The following MGAT4C variants were observed in gnomAD, a reference collection of about 807,000 sequenced individuals.
The protein encoded by MGAT4C is alpha-1,3-mannosyl-glycoprotein 4-beta-N-acetylglucosaminyltransferase C.
MGAT4C carries 19 observed loss-of-function variants against 40.1 expected under a neutral mutation model. The observed-to-expected ratio is 0.47, with a 90% CI of 0.33 to 0.70. The LOEUF (loss-of-function observed/expected upper bound fraction) is 0.70. Among genes scored for constraint, MGAT4C ranks in the 30% least tolerant of loss-of-function variants. The pLI is 0.02. For missense variants in MGAT4C, 491 were observed against 563.2 expected (o/e 0.87, Z 1.30); for synonymous variants, 181 against 187.1 (o/e 0.97, Z 0.27).
At chr12:86,078,238 T>C (rs1019893253) in intron 1 of MGAT4C, among the ~76,000 whole-genome samples, 2 of 152,168 alleles carry the variant, frequency 1.3e-5, no homozygotes, top group Non-Finnish European at 1.5e-5. Context: ...GTCACCTAGC[T>C]GGCATTGTAA....
At chr12:86,365,780 G>A (rs77468721) in intron 3 of MGAT4C, among the ~76,000 whole-genome samples, 2,722 of 148,836 alleles carry the variant, frequency 0.018, 75 homozygotes, top group African/African-American at 0.063. Flanking sequence ...TTCTGTTTTT[G>A]CACCAGTACC....
chr12:86,458,838 C>T (rs975679696), intron 2 of MGAT4C, among the ~76,000 whole-genome samples: 4 of 152,062 alleles, frequency 2.6e-5, no homozygotes, highest in African/African-American at 9.7e-5. Flanking sequence ...GGATTATGAA[C>T]ACCAATGCCA....
In MGAT4C at chr12:86,820,433, T is replaced by C. The variant is rs1952685581; in HGVS notation, c.-262+18233A>G. Among the ~76,000 whole-genome samples the C allele has an allele frequency of 2.0e-5, 3 of 150,772 alleles. No individual in the cohort carries two copies. In the Admixed American group the frequency reaches 2.0e-4, roughly 10 times the overall value. ...CACCATCAATCAATTCCTTTAACTT[T>C]CGATTGACTTATGAGACTTAGTTTA... On this transcript the variant is annotated intron_variant, in intron 1 of 7. Transcript: ENST00000548651.
chr12:86,724,071 A>C (rs1950781601), intron 2 of MGAT4C, among the ~76,000 whole-genome samples: 1 of 152,200 alleles, frequency 6.6e-6, no homozygotes, highest in South Asian at 2.1e-4. Context: ...TTTATAACAT[A>C]CTGAAAAACT....
chr12:86,552,381 G>C (rs1024964330), intron 2 of MGAT4C, among the ~76,000 whole-genome samples: 2 of 152,004 alleles, frequency 1.3e-5, no homozygotes, highest in African/African-American at 4.8e-5. Flanking sequence ...AGGGCAAGGG[G>C]AAGAGGAAGA....
intron 2 of MGAT4C, among the ~76,000 whole-genome samples, chr12:86,604,614 A>G (rs1286596842): frequency 6.6e-6 from 1 of 152,168 alleles, no homozygotes; most frequent in Non-Finnish European, 1.5e-5. Flanking sequence ...CTTCTTTCAC[A>G]AAAGAAAAAA....
At chr12:86,162,993 A>C (rs939983236) in intron 1 of MGAT4C, among the ~76,000 whole-genome samples, 1 of 152,156 alleles carries the variant, frequency 6.6e-6, no homozygotes, top group African/African-American at 2.4e-5. Flanking sequence ...TGTTATACCC[A>C]CATAGAGCCT....
intron 2 of MGAT4C, among the ~76,000 whole-genome samples, chr12:86,701,468 T>A (rs1030533370): frequency 2.0e-5 from 3 of 152,160 alleles, no homozygotes; most frequent in Admixed American, 6.6e-5. Context: ...CGTACCCATA[T>A]AAGACAGTAA....
intron 4 of MGAT4C, among the ~76,000 whole-genome samples, chr12:86,333,806 G>C (rs2136176071): frequency 6.6e-6 from 1 of 152,248 alleles, no homozygotes; most frequent in South Asian, 2.1e-4. Context: ...GCAAAACCAT[G>C]TAAAACCATA....
chr12:86,554,626 G>A (rs1168551675), intron 2 of MGAT4C, among the ~76,000 whole-genome samples: 1 of 152,116 alleles, frequency 6.6e-6, no homozygotes, highest in Non-Finnish European at 1.5e-5. Flanking sequence ...AATACATGTA[G>A]TTTCAACAAT....
intron 1 of MGAT4C, among the ~76,000 whole-genome samples, chr12:86,151,402 G>A (rs1884260876): frequency 6.6e-6 from 1 of 152,114 alleles, no homozygotes; most frequent in East Asian, 1.9e-4. Context: ...CACGACGTCA[G>A]GAGATCAAGA....
intron 1 of MGAT4C, among the ~76,000 whole-genome samples, chr12:86,817,560 T>C (rs1952630317): frequency 6.6e-6 from 1 of 151,560 alleles, no homozygotes; most frequent in African/African-American, 2.4e-5. Context: ...CTGTTTAATC[T>C]AGCATTTATT....
chr12:86,178,093 T>A (rs537316957), intron 1 of MGAT4C, among the ~76,000 whole-genome samples: 8 of 152,022 alleles, frequency 5.3e-5, no homozygotes, highest in African/African-American at 1.9e-4. Context: ...CCCACCACCA[T>A]GCCCGGCTAA....
intron 4 of MGAT4C, among the ~76,000 whole-genome samples, chr12:86,304,735 A>G (rs1351842071): frequency 6.6e-6 from 1 of 150,762 alleles, no homozygotes; most frequent in East Asian, 1.9e-4. Flanking sequence ...CCTTAATCCA[A>G]TATGACAGAT....
chr12:85,959,759 T>C lies in MGAT4C; in HGVS notation c.*19530A>G, dbSNP rs1410200406. On this transcript the variant is annotated 3_prime_UTR_variant, in exon 5 of 5. Coordinates refer to ENST00000611864, the MANE Select transcript of MGAT4C (RefSeq NM_001351288.2). ...TGAAATCGAGATCAATATTCATTGT[T>C]TTCTTCTGGGTTAACTCTTTTTTAT... 1 of 151,860 alleles carries C rather than the reference T, an allele frequency of 6.6e-6. No individual in the cohort carries two copies. Among genetic ancestry groups the C allele is most frequent in the Non-Finnish European group, 1.5e-5 (1 of 67,936 alleles). 9.4% of individuals were successfully genotyped at this position (151,860 alleles called of 1,614,324 possible).
At chr12:86,014,712 T>A (rs1888884017) in intron 2 of MGAT4C, among the ~76,000 whole-genome samples, 1 of 152,118 alleles carries the variant, frequency 6.6e-6, no homozygotes, top group African/African-American at 2.4e-5. Flanking sequence ...AAAGTATGTA[T>A]TTTTCAGGGC....
intron 3 of MGAT4C, among the ~76,000 whole-genome samples, chr12:86,347,260 C>T (rs1464504809): frequency 2.6e-5 from 4 of 152,052 alleles, no homozygotes; most frequent in Non-Finnish European, 5.9e-5. Context: ...TTTAAAAACA[C>T]GGCCACATTA....
intron 1 of MGAT4C, among the ~76,000 whole-genome samples, chr12:86,250,855 A>G (rs1043408789): frequency 6.6e-6 from 1 of 152,102 alleles, no homozygotes; most frequent in Non-Finnish European, 1.5e-5. Flanking sequence ...ATCTAGTTTC[A>G]AAAGTAATTA....
At chr12:86,549,773 G>A (rs1366230229) in intron 2 of MGAT4C, among the ~76,000 whole-genome samples, 2 of 152,100 alleles carry the variant, frequency 1.3e-5, no homozygotes, top group African/African-American at 4.8e-5. Context: ...TGAAAACAAT[G>A]GGAAAGTGGA....
Sources: gnomAD v4.1 joint callset for allele counts (sites outside exome capture counted in the v4.1 genomes callset) on GRCh38, gnomAD v4.1.1 for gene constraint, MANE v1.5 for transcripts, NCBI Gene and HGNC (gene_info 2026-07-23, HGNC 2026-07-21) for gene names.